The following ADCY9 variants were observed in gnomAD, a reference collection of about 807,000 sequenced individuals.
ADCY9 encodes adenylate cyclase 9.
In ADCY9, 50 loss-of-function variants were observed where a neutral mutation model predicts 101.5. The observed-to-expected ratio is 0.49, with a 90% CI of 0.39 to 0.62. The LOEUF (loss-of-function observed/expected upper bound fraction) is 0.62. ADCY9 is among the 20% of genes least tolerant of loss of function. ADCY9 has a pLI of 0.00. For missense variants in ADCY9, 1,662 were observed against 1,800.4 expected, an observed-to-expected ratio of 0.92 and a Z score of 1.39; for synonymous variants, 905 against 769.3, an observed-to-expected ratio of 1.18 and a Z score of -2.92.
intron 2 of ADCY9, among the ~76,000 whole-genome samples, chr16:4,055,616 G>A (rs944388134): frequency 6.6e-6 from 1 of 151,800 alleles, no homozygotes; most frequent in African/African-American, 2.4e-5. Flanking sequence ...GGGGGATCAC[G>A]AGGTCAGGAG....
intron 2 of ADCY9, among the ~76,000 whole-genome samples, chr16:4,034,512 A>G (rs1261666885): frequency 1.3e-5 from 2 of 151,924 alleles, no homozygotes; most frequent in Non-Finnish European, 2.9e-5. Flanking sequence ...CAGGTTCAAG[A>G]GTTTCTCCTG....
At chr16:3,983,164 A>G in intron 7 of ADCY9, 68 bp downstream of exon 7, 1 of 1,425,514 alleles carries the variant, frequency 7.0e-7, no homozygotes, top group African/African-American at 1.4e-5. Flanking sequence ...CCGCTCAGCC[A>G]TAAGCCATGG....
chr16:3,983,172 T>C, intron 7 of ADCY9, 60 bp downstream of exon 7: 1 of 1,456,282 alleles, frequency 6.9e-7, no homozygotes, highest in South Asian at 1.3e-5. Flanking sequence ...CCATAAGCCA[T>C]GGAGCCAGAA....
chr16:4,088,382 C>A (rs1223766775), intron 2 of ADCY9, among the ~76,000 whole-genome samples: 3 of 151,952 alleles, frequency 2.0e-5, no homozygotes, highest in Non-Finnish European at 4.4e-5. Flanking sequence ...GCCTCAACTT[C>A]CCAGGCTCAA....
intron 2 of ADCY9, among the ~76,000 whole-genome samples, chr16:4,023,846 G>C (rs1463273446): frequency 6.6e-6 from 1 of 151,952 alleles, no homozygotes. Flanking sequence ...GGAGGTGGAG[G>C]CTGCAGTGGG....
chr16:3,955,287 G>A (rs2055901251), intron 5 of ADCY9, among the ~76,000 whole-genome samples: 1 of 151,622 alleles, frequency 6.6e-6, no homozygotes, highest in South Asian at 2.1e-4. Flanking sequence ...CACTTTGGGA[G>A]GTGGAGGAGA....
chr16:4,028,780 CTTTT>C (rs905746169), intron 2 of ADCY9, among the ~76,000 whole-genome samples: 14 of 151,724 alleles, frequency 9.2e-5, no homozygotes, highest in African/African-American at 3.1e-4. Context: ...TATCTATTTT[CTTTT>C]TTTCTTTTTT....
chr16:4,072,466 T>C (rs1215726627), intron 2 of ADCY9, among the ~76,000 whole-genome samples: 3 of 152,196 alleles, frequency 2.0e-5, no homozygotes, highest in Admixed American at 2.0e-4. Context: ...GAATCACCCC[T>C]TCCCTACGGT....
chr16:4,020,162 C>G (rs999858472), intron 2 of ADCY9, among the ~76,000 whole-genome samples: 1 of 152,200 alleles, frequency 6.6e-6, no homozygotes, highest in African/African-American at 2.4e-5. Flanking sequence ...GTTCTGTGGC[C>G]TCCAGGCACA....
chr16:4,067,965 G>A (rs1280085539), intron 2 of ADCY9, among the ~76,000 whole-genome samples: 4 of 152,026 alleles, frequency 2.6e-5, no homozygotes, highest in African/African-American at 9.7e-5. Context: ...ATGGGTTAAG[G>A]GAAAAACCGT....
intron 3 of ADCY9, among the ~76,000 whole-genome samples, chr16:4,000,924 A>G (rs1597156433): frequency 6.7e-6 from 1 of 149,040 alleles, no homozygotes; most frequent in African/African-American, 2.5e-5. Context: ...CTCTCTGGCA[A>G]TGCCAGTTCA....
downstream of ADCY9, among the ~76,000 whole-genome samples, chr16:3,960,503 G>C (rs1355135865): frequency 6.6e-6 from 1 of 152,040 alleles, no homozygotes; most frequent in Non-Finnish European, 1.5e-5. Flanking sequence ...GCCTGGGCGA[G>C]AGAGCCAGAC....
chr16:4,093,270 G>A (rs1445923615), intron 2 of ADCY9, among the ~76,000 whole-genome samples: 1 of 152,198 alleles, frequency 6.6e-6, no homozygotes, highest in Non-Finnish European at 1.5e-5. Flanking sequence ...GGCAAATGAG[G>A]TTGGTTTCAT....
chr16:4,101,376 C>G (rs1219367887), intron 2 of ADCY9, among the ~76,000 whole-genome samples: 2 of 150,718 alleles, frequency 1.3e-5, no homozygotes, highest in African/African-American at 4.9e-5. Flanking sequence ...ACCACCTGGG[C>G]TCAAACGATC....
chr16:4,084,012 GTTTGT>G (rs1160767347), intron 2 of ADCY9, among the ~76,000 whole-genome samples: 2 of 152,124 alleles, frequency 1.3e-5, no homozygotes, highest in African/African-American at 4.8e-5. Flanking sequence ...GCTTTCTTTT[GTTTGT>G]TTTGTGTTTT....
At chr16:4,051,680 A>C (rs1208592556) in intron 2 of ADCY9, among the ~76,000 whole-genome samples, 5 of 152,204 alleles carry the variant, frequency 3.3e-5, no homozygotes, top group Non-Finnish European at 7.3e-5. Flanking sequence ...ATTATAACCC[A>C]ATGGGTAAAA....
intron 3 of ADCY9, among the ~76,000 whole-genome samples, chr16:3,999,404 G>A (rs980458379): frequency 3.9e-5 from 6 of 152,174 alleles, no homozygotes; most frequent in East Asian, 1.9e-4. Context: ...TGATCATTCC[G>A]CAGACGGCCA....
chr16:4,017,166 A>T (rs1368290392), intron 2 of ADCY9, among the ~76,000 whole-genome samples: 7 of 149,888 alleles, frequency 4.7e-5, no homozygotes. Context: ...CCTGTCTCAA[A>T]TATAATAATA....
downstream of ADCY9, among the ~76,000 whole-genome samples, chr16:3,958,900 C>A (rs7199977): frequency 1.3e-5 from 2 of 151,504 alleles, no homozygotes. Flanking sequence ...AGTCTTGACT[C>A]CTGACCTCAG....
Sources: gnomAD v4.1 joint callset for allele counts (sites outside exome capture counted in the v4.1 genomes callset) on GRCh38, gnomAD v4.1.1 for gene constraint, MANE v1.5 for transcripts, NCBI Gene and HGNC (gene_info 2026-07-23, HGNC 2026-07-21) for gene names.